Variants in BMPER observed in about 807,000 individuals in gnomAD.
The protein encoded by BMPER is BMP binding endothelial regulator, also known as BMP-binding endothelial regulator protein.
Under a neutral mutation model 87.3 loss-of-function variants are expected in BMPER, and 45 were observed. That is an observed-to-expected ratio of 0.52 (90% CI 0.41 to 0.66). BMPER has a LOEUF of 0.66. BMPER is among the 30% of genes least tolerant of loss of function. The probability of loss-of-function intolerance (pLI) is 0.00; values close to 1 mark genes in which losing one functional copy is unlikely to be tolerated. For missense variants in BMPER, 784 were observed against 867.5 expected (o/e 0.90, Z 1.21); for synonymous variants, 326 against 316.2 (o/e 1.03, Z -0.33).
chr7:34,113,287 C>T (rs549318499), intron 13 of BMPER, among the ~76,000 whole-genome samples: 1 of 151,724 alleles, frequency 6.6e-6, no homozygotes, highest in Admixed American at 6.6e-5. Flanking sequence ...TTGCCATTTG[C>T]TTTGTTTCTC....
At chr7:33,976,537 A>G (rs555946167) in intron 6 of BMPER, among the ~76,000 whole-genome samples, 1 of 152,182 alleles carries the variant, frequency 6.6e-6, no homozygotes, top group Non-Finnish European at 1.5e-5. Context: ...TATTTCTTCC[A>G]TACTGTAAAC....
intron 3 of BMPER, 111 bp downstream of exon 3, chr7:33,937,499 G>A: frequency 2.0e-6 from 2 of 984,554 alleles, no homozygotes; most frequent in South Asian, 1.3e-5. Context: ...CACATGGGTG[G>A]GGAGGAGAAG....
chr7:33,907,080 A>C (rs1562622575), intron 2 of BMPER, among the ~76,000 whole-genome samples, 177 bp downstream of exon 2: 1 of 152,126 alleles, frequency 6.6e-6, no homozygotes, highest in East Asian at 1.9e-4. Context: ...GGACTTTGGC[A>C]ATTTCCATTT....
At chr7:33,967,948 A>C (rs1785443472) in intron 4 of BMPER, among the ~76,000 whole-genome samples, 1 of 152,212 alleles carries the variant, frequency 6.6e-6, no homozygotes, top group South Asian at 2.1e-4. Flanking sequence ...ACTTTGTTTA[A>C]ATTAAGTAGA....
chr7:34,062,712 G>A (rs1403859353), intron 11 of BMPER, among the ~76,000 whole-genome samples: 1 of 152,188 alleles, frequency 6.6e-6, no homozygotes, highest in Non-Finnish European at 1.5e-5. Flanking sequence ...ATATGGTATA[G>A]CCTGTGGCTT....
chr7:34,079,466 A>G (rs1400441986), intron 12 of BMPER, among the ~76,000 whole-genome samples: 4 of 152,094 alleles, frequency 2.6e-5, no homozygotes, highest in Non-Finnish European at 5.9e-5. Flanking sequence ...GAACCTTTCC[A>G]TCCTCTGTCT....
chr7:34,115,795 C>T (rs536297788), intron 13 of BMPER, among the ~76,000 whole-genome samples: 1 of 152,064 alleles, frequency 6.6e-6, no homozygotes, highest in Non-Finnish European at 1.5e-5. Context: ...AAGAGTAATA[C>T]CGTGTACATG....
chr7:34,053,073 C>T (rs942071076), intron 8 of BMPER, among the ~76,000 whole-genome samples: 3 of 152,140 alleles, frequency 2.0e-5, no homozygotes, highest in Admixed American at 6.5e-5. Flanking sequence ...ACTCCCAATT[C>T]TCTTGCTCAC....
At chr7:33,913,924 C>T (rs1413404751) in intron 2 of BMPER, among the ~76,000 whole-genome samples, 1 of 151,460 alleles carries the variant, frequency 6.6e-6, no homozygotes, top group African/African-American at 2.4e-5. Flanking sequence ...CTGGTAGGTA[C>T]GTTCATGATA....
intron 2 of BMPER, among the ~76,000 whole-genome samples, chr7:33,923,330 C>T (rs564770293): frequency 1.4e-4 from 22 of 152,314 alleles, no homozygotes; most frequent in East Asian, 3.9e-4. Context: ...CACACACACC[C>T]GTCTGTAATA....
chr7:34,087,983 G>A (rs1789264014), intron 13 of BMPER, among the ~76,000 whole-genome samples: 1 of 152,198 alleles, frequency 6.6e-6, no homozygotes, highest in African/African-American at 2.4e-5. Flanking sequence ...GATGACTTGG[G>A]CACTTATGAA....
intron 14 of BMPER, among the ~76,000 whole-genome samples, chr7:34,147,974 G>A (rs1187696210): frequency 6.6e-6 from 1 of 152,110 alleles, no homozygotes; most frequent in South Asian, 2.1e-4. Flanking sequence ...GGCAAATCCG[G>A]TGATGTCACT....
chr7:33,992,122 G>A (rs958413420), intron 6 of BMPER, among the ~76,000 whole-genome samples: 2 of 151,928 alleles, frequency 1.3e-5, no homozygotes. Flanking sequence ...TTCTGTAGAT[G>A]CCTATTAGGT....
In BMPER at chr7:33,962,665, G is replaced by A. The variant is rs559050977; in HGVS notation, c.320-3814G>A. Among the ~76,000 whole-genome samples the A allele has an allele frequency of 6.6e-5, 10 of 152,268 alleles. No homozygotes were observed. The South Asian group carries it at 8.3e-4, about 13-fold the overall frequency. On this transcript the variant is annotated intron_variant, in intron 3 of 14. Transcript: ENST00000649409. Reference sequence around the variant, plus strand: ...TGAGAACTGCTGGTTTAAAGATATCGTAGTGATTTTATCAGAACATTACCA... The same window carrying A: ...TGAGAACTGCTGGTTTAAAGATATCATAGTGATTTTATCAGAACATTACCA...
chr7:34,091,385 A>G (rs576211382), intron 13 of BMPER, among the ~76,000 whole-genome samples: 1 of 152,224 alleles, frequency 6.6e-6, no homozygotes, highest in Non-Finnish European at 1.5e-5. Context: ...AAGAACTGCC[A>G]TTAGAACTAG....
chr7:34,127,149 A>G (rs1379901486), intron 13 of BMPER, among the ~76,000 whole-genome samples: 1 of 152,176 alleles, frequency 6.6e-6, no homozygotes, highest in Non-Finnish European at 1.5e-5. Context: ...GAATGTTGGT[A>G]AGAGAGAGTG....
intron 13 of BMPER, among the ~76,000 whole-genome samples, chr7:34,086,855 A>G (rs186204508): frequency 1.3e-3 from 196 of 152,254 alleles, no homozygotes; most frequent in African/African-American, 4.6e-3. Context: ...ACACAATTCC[A>G]TGGGTTCAAG....
intron 2 of BMPER, among the ~76,000 whole-genome samples, chr7:33,927,962 C>T (rs1050800545): frequency 1.3e-5 from 2 of 152,210 alleles, no homozygotes; most frequent in African/African-American, 4.8e-5. Flanking sequence ...CTGAAGGGCG[C>T]CCAGCAGTGT....
intron 2 of BMPER, among the ~76,000 whole-genome samples, chr7:33,912,833 A>G (rs1373020427): frequency 6.6e-6 from 1 of 152,236 alleles, no homozygotes; most frequent in African/African-American, 2.4e-5. Context: ...TTCTAATTCT[A>G]TAAAACACCA....
Sources: allele counts gnomAD v4.1 joint callset (sites outside exome capture counted in the v4.1 genomes callset), GRCh38; gene constraint gnomAD v4.1.1; transcripts MANE v1.5; gene names NCBI Gene and HGNC (gene_info 2026-07-23, HGNC 2026-07-21).